PPP3CA: variants seen among roughly 807,000 people sequenced by gnomAD.
PPP3CA encodes CAM-PRP catalytic subunit.
A neutral mutation model predicts 66.5 loss-of-function variants in PPP3CA; 14 were observed. The observed-to-expected ratio is 0.21, with a 90% confidence interval of 0.14 to 0.33. The LOEUF (loss-of-function observed/expected upper bound fraction) is 0.33, where lower values mean the gene tolerates loss of function less well. PPP3CA is among the 10% of genes least tolerant of loss of function. PPP3CA has a pLI of 1.00. For missense variants in PPP3CA, 317 were observed against 639.5 expected (o/e 0.50, Z 5.44); for synonymous variants, 232 against 226.2 (o/e 1.03, Z -0.23).
chr4:101,223,231 C>T (rs1725679758), intron 1 of PPP3CA, among the ~76,000 whole-genome samples: 1 of 151,760 alleles, frequency 6.6e-6, no homozygotes, highest in Non-Finnish European at 1.5e-5. Context: ...AATTAACTTA[C>T]TGATTCAGAA....
At chr4:101,196,832 G>A (rs1506799) in intron 1 of PPP3CA, among the ~76,000 whole-genome samples, 33,701 of 151,974 alleles carry the variant, frequency 0.22, 5,049 homozygotes, top group African/African-American at 0.41. Flanking sequence ...CCACTCACCC[G>A]CATCTTCTTA....
chr4:101,286,125 T>G (rs950192070), intron 1 of PPP3CA, among the ~76,000 whole-genome samples: 1 of 152,180 alleles, frequency 6.6e-6, no homozygotes, highest in African/African-American at 2.4e-5. Flanking sequence ...GATCCTCATA[T>G]GTACAGTTCA....
At chr4:101,210,792 T>C (rs1251914639) in intron 1 of PPP3CA, among the ~76,000 whole-genome samples, 3 of 152,198 alleles carry the variant, frequency 2.0e-5, no homozygotes, top group East Asian at 1.9e-4. Context: ...TATTAATTTT[T>C]ACTCTTACAA....
chr4:101,143,546 C>T (rs1217242184), intron 2 of PPP3CA, among the ~76,000 whole-genome samples: 3 of 152,148 alleles, frequency 2.0e-5, no homozygotes, highest in Non-Finnish European at 2.9e-5. Context: ...CCATTCTATT[C>T]CATTTCTATG....
At chr4:101,238,794 C>T (rs1393544703) in intron 1 of PPP3CA, among the ~76,000 whole-genome samples, 1 of 152,022 alleles carries the variant, frequency 6.6e-6, no homozygotes, top group Admixed American at 6.6e-5. Context: ...TCAAATAAGT[C>T]CTATCACCTA....
intron 1 of PPP3CA, among the ~76,000 whole-genome samples, chr4:101,270,032 TG>T (rs1462959168): frequency 1.3e-5 from 2 of 152,158 alleles, no homozygotes; most frequent in African/African-American, 2.4e-5. Context: ...ACATGTGAGA[TG>T]GTAATGAAAA....
intron 2 of PPP3CA, among the ~76,000 whole-genome samples, chr4:101,152,354 T>C (rs2732506): frequency 0.52 from 78,594 of 152,078 alleles, 23,690 homozygotes; most frequent in African/African-American, 0.82. Context: ...CTAGCAGAAG[T>C]GTTTGTAAGT....
intron 2 of PPP3CA, among the ~76,000 whole-genome samples, chr4:101,188,738 T>C (rs1219652219): frequency 6.6e-6 from 1 of 152,074 alleles, no homozygotes; most frequent in Non-Finnish European, 1.5e-5. Flanking sequence ...TGTTACTTCA[T>C]AAGGCAATGC....
At chr4:101,271,639 A>G (rs1727338868) in intron 1 of PPP3CA, among the ~76,000 whole-genome samples, 1 of 152,166 alleles carries the variant, frequency 6.6e-6, no homozygotes, top group Non-Finnish European at 1.5e-5. Flanking sequence ...TTGTCTCTTT[A>G]AGGGAGGGAA....
At position 101,024,309 on chromosome 4, in the gene PPP3CA, T is replaced by C. The variant is rs1464287792; in HGVS notation, c.*1556A>G. The C allele has an allele frequency of 2.0e-5, 3 of 152,652 alleles. No homozygotes were observed. Among genetic ancestry groups the C allele is most frequent in the African/African-American group, 7.2e-5 (3 of 41,564 alleles). 9.5% of individuals were successfully genotyped at this position (152,652 alleles called of 1,614,324 possible). A position where few individuals can be genotyped will look rare whatever the true frequency, so the allele number is the denominator to read the frequency against. On this transcript the variant is annotated 3_prime_UTR_variant, in exon 14 of 14. Coordinates refer to ENST00000394854, the MANE Select transcript of PPP3CA (RefSeq NM_000944.5). Reference sequence around the variant, plus strand: ...ACATAAATCCCTTCAGCGGACTCAGTGGAAGGATGAGAATTCTGTAAGTTC... The same window carrying C: ...ACATAAATCCCTTCAGCGGACTCAGCGGAAGGATGAGAATTCTGTAAGTTC...
intron 8 of PPP3CA, among the ~76,000 whole-genome samples, chr4:101,065,336 T>C (rs1388087352): frequency 6.6e-6 from 1 of 152,114 alleles, no homozygotes; most frequent in African/African-American, 2.4e-5. Context: ...TGCATCCTCA[T>C]ATCTTCAGAT....
At chr4:101,106,142 G>A (rs1458840975) in intron 3 of PPP3CA, among the ~76,000 whole-genome samples, 5 of 151,812 alleles carry the variant, frequency 3.3e-5, no homozygotes, top group Admixed American at 6.6e-5. Flanking sequence ...GGGCAACTTC[G>A]TAAGACCCTG....
intron 9 of PPP3CA, among the ~76,000 whole-genome samples, chr4:101,062,658 AAC>A (rs1728518207): frequency 2.0e-5 from 3 of 152,016 alleles, no homozygotes; most frequent in Non-Finnish European, 4.4e-5. Flanking sequence ...GAAGAAAGTT[AAC>A]AAATAACTTT....
At chr4:101,211,381 A>C (rs897139463) in intron 1 of PPP3CA, among the ~76,000 whole-genome samples, 4 of 152,198 alleles carry the variant, frequency 2.6e-5, no homozygotes, top group African/African-American at 9.6e-5. Flanking sequence ...GCCTTAAAAA[A>C]ACATTTGTCT....
At chr4:101,212,600 C>T (rs1340547435) in intron 1 of PPP3CA, among the ~76,000 whole-genome samples, 2 of 151,952 alleles carry the variant, frequency 1.3e-5, no homozygotes, top group Non-Finnish European at 2.9e-5. Flanking sequence ...GCATCCTGCA[C>T]ATGTACCCCT....
intron 2 of PPP3CA, among the ~76,000 whole-genome samples, chr4:101,142,633 C>G (rs1722845583): frequency 6.6e-6 from 1 of 152,142 alleles, no homozygotes; most frequent in Admixed American, 6.5e-5. Flanking sequence ...AACTTTCAGG[C>G]TCAAGCGATC....
intron 6 of PPP3CA, among the ~76,000 whole-genome samples, chr4:101,085,803 C>T (rs1729640068): frequency 6.6e-6 from 1 of 151,506 alleles, no homozygotes; most frequent in Non-Finnish European, 1.5e-5. Context: ...TCACAAATCA[C>T]AAAATGTTCA....
At chr4:101,075,015 G>A (rs1364041982) in intron 8 of PPP3CA, among the ~76,000 whole-genome samples, 1 of 152,210 alleles carries the variant, frequency 6.6e-6, no homozygotes, top group East Asian at 1.9e-4. Context: ...TATGGTGACA[G>A]GCAAGAGAGC....
intron 2 of PPP3CA, among the ~76,000 whole-genome samples, chr4:101,195,027 C>CTT (rs1476862217): frequency 1.3e-5 from 2 of 152,012 alleles, no homozygotes. Flanking sequence ...AATCCCAGCA[C>CTT]TTTGGGAGGC....
Sources: allele counts gnomAD v4.1 joint callset (sites outside exome capture counted in the v4.1 genomes callset), GRCh38; gene constraint gnomAD v4.1.1; transcripts MANE v1.5; gene names NCBI Gene and HGNC (gene_info 2026-07-23, HGNC 2026-07-21).